The following RXRB variants were observed in gnomAD, a reference collection of about 807,000 sequenced individuals.
RXRB encodes the protein retinoid X receptor beta, also known as retinoic acid receptor RXR-beta.
Under a neutral mutation model 52.5 loss-of-function variants are expected in RXRB, and 18 were observed. That is an observed-to-expected ratio of 0.34 (90% CI 0.24 to 0.51). RXRB has a LOEUF of 0.51. RXRB is among the 20% of genes least tolerant of loss of function. The probability of loss-of-function intolerance (pLI) is 0.97; values close to 1 mark genes in which losing one functional copy is unlikely to be tolerated. For synonymous variants in RXRB, 233 were observed against 267.1 expected (o/e 0.87, Z 1.25); for missense variants, 455 against 698.2 (o/e 0.65, Z 3.92).
chr6:33,195,483 G>T lies in RXRB; in HGVS notation c.1257-29C>A. On this transcript the variant is annotated intron_variant, in intron 7 of 9. Transcript: ENST00000374680. The surrounding 1 kb of genome is among the most constrained non-coding windows in gnomAD (Gnocchi z 8.6). Reference sequence around the variant, plus strand: ...GAGAGGGACCTGCAGGTCACTCAAAGGTCACAGCTCAGCCAGCCTTGGACA... The same window carrying T: ...GAGAGGGACCTGCAGGTCACTCAAATGTCACAGCTCAGCCAGCCTTGGACA... The T allele has an allele frequency of 6.2e-7, 1 of 1,612,178 alleles. No individual in the cohort carries two copies. Among genetic ancestry groups the T allele is most frequent in the Non-Finnish European group, 8.5e-7 (1 of 1,179,214 alleles).
rs17847931 is a variant in RXRB, at chr6:33,199,368, A to G, written c.284T>C (p.Val95Ala). ...SSSPNPLPQGVPPPSPPGPPL... is the reference protein window; with the variant it reads ...SSSPNPLPQGAPPPSPPGPPL... The stretch of plus-strand genomic sequence containing the variant: ...TGGCCCAGGAGGAGAAGGGGGAGGG[A>G]CTCCCTGGGGAAGGGGATTTGGGGA... The change falls in exon 2 of 10, where the codon GTC (valine) becomes GCC (alanine). Residue 95 changes from valine (V) to alanine (A), a missense_variant. This residue lies in a region of RXRB where 225 missense variants were observed against 258.6 expected (regional missense o/e 0.87). Transcript: ENST00000374680. The G allele has an allele frequency of 2.4e-3, 2,993 of 1,225,594 alleles. 55 individuals carry two copies. The South Asian group carries it at 0.037, about 15-fold the overall frequency. The allele number at this position is 1,225,594 out of a possible 1,614,324, so 75.9% of individuals were successfully genotyped here. A position where few individuals can be genotyped will look rare whatever the true frequency, so the allele number is the denominator to read the frequency against.
rs764012992 is a variant in RXRB, at chr6:33,199,428, GTAT to G, written c.236-15_236-13del. 3.2e-6 allele frequency: 4 copies of G among 1,256,040 alleles called. No individual in the cohort carries two copies. Among genetic ancestry groups the G allele is most frequent in the Admixed American group, 3.9e-5 (1 of 25,374 alleles). The allele number at this position is 1,256,040 out of a possible 1,614,324, so 77.8% of individuals were successfully genotyped here. On this transcript the variant is annotated splice_polypyrimidine_tract_variant and intron_variant, in intron 1 of 9. Transcript: ENST00000374680. ...TGGGCTTCGGGAGTCTGAGGGAGGG[GTAT>G]GTACAGGCACACAGACACACAAGAG...
rs1480056203 is a variant in RXRB, at chr6:33,194,209, A to G, written c.*473T>C. ...CCCTCCCTCTTCCAGAGAGGCCCCC[A>G]TCTGCCAGGTTTGAGAGGAGGAAGG... On this transcript the variant is annotated 3_prime_UTR_variant, in exon 10 of 10. Coordinates refer to ENST00000374680, the MANE Select transcript of RXRB (RefSeq NM_021976.5). The surrounding 1 kb of genome is among the most constrained non-coding windows in gnomAD (Gnocchi z 4.1). 1.9e-5 allele frequency: 3 copies of G among 154,408 alleles called. No homozygotes were observed. Among genetic ancestry groups the G allele is most frequent in the Non-Finnish European group, 2.9e-5 (2 of 69,670 alleles). 9.6% of individuals were successfully genotyped at this position (154,408 alleles called of 1,614,324 possible). A position where few individuals can be genotyped will look rare whatever the true frequency, so the allele number is the denominator to read the frequency against.
Position 33,197,440 on chromosome 6 carries a change from G to A in RXRB, c.820+322C>T, listed in dbSNP as rs1384097063. Among the ~76,000 whole-genome samples the A allele has an allele frequency of 6.6e-6, 1 of 152,220 alleles. No individual in the cohort carries two copies. The highest frequency in any genetic ancestry group is 2.4e-5 in the African/African-American group (1 of 41,464). The stretch of plus-strand genomic sequence containing the variant: ...CACAGATAACAGGAGACAGAGACCA[G>A]AGAAGGTCCATGGAATCAGAGGAGG... On this transcript the variant is annotated intron_variant, in intron 4 of 9. Transcript: ENST00000374680. This position sits in a 1 kb window ranked among gnomAD's most constrained non-coding sequence, Gnocchi z 4.4.
rs1051205698 is a variant in RXRB, at chr6:33,197,278, T to C, written c.820+484A>G. Among the ~76,000 whole-genome samples, 3 of 152,230 alleles carry C rather than the reference T, an allele frequency of 2.0e-5. No homozygotes were observed. The highest frequency in any genetic ancestry group is 4.4e-5 in the Non-Finnish European group (3 of 68,036). ...TGGGTGTTTTGACCAAGATATGCTC[T>C]AAAGTGTCTCTCAGAATCCTAGGAA... On this transcript the variant is annotated intron_variant, in intron 4 of 9. Transcript: ENST00000374680. This position sits in a 1 kb window ranked among gnomAD's most constrained non-coding sequence, Gnocchi z 4.4.
In RXRB at chr6:33,198,402, T is replaced by TG; in HGVS notation, c.545dup (p.Val183SerfsTer41). 1 of 1,612,286 alleles carries TG rather than the reference T, an allele frequency of 6.2e-7. No homozygotes were observed. The highest frequency in any genetic ancestry group is 8.5e-7 in the Non-Finnish European group (1 of 1,179,562). On this transcript the variant is annotated frameshift_variant, in exon 3 of 10. Coordinates refer to ENST00000374680, the MANE Select transcript of RXRB (RefSeq NM_021976.5). LOFTEE classifies it high-confidence loss of function. ...AGTGCAGGCCCCGGACCCCTAAGAC[T>TG]GGTGGCTTCACATCTTCAGGGGGGC... is the stretch of plus-strand genomic sequence containing the variant.
intron 3 of RXRB, 125 bp downstream of exon 3, chr6:33,198,183 C>T: frequency 7.2e-7 from 1 of 1,385,206 alleles, no homozygotes; most frequent in Non-Finnish European, 1.0e-6. Context: ...GCTTCAGCTT[C>T]TTTACTCCCA....
chr6:33,199,422 G>A lies in RXRB; in HGVS notation c.236-6C>T. 5 of 1,253,406 alleles carry A rather than the reference G, an allele frequency of 4.0e-6. No homozygotes were observed. Among genetic ancestry groups the A allele is most frequent in the Non-Finnish European group, 5.0e-6 (5 of 990,836 alleles). The allele number at this position is 1,253,406 out of a possible 1,614,324, so 77.6% of individuals were successfully genotyped here. On this transcript the variant is annotated splice_region_variant and splice_polypyrimidine_tract_variant and intron_variant, in intron 1 of 9. Coordinates refer to ENST00000374680, the MANE Select transcript of RXRB (RefSeq NM_021976.5). ...GCTGTCTGGGCTTCGGGAGTCTGAG[G>A]GAGGGGTATGTACAGGCACACAGAC...
At chr6:33,198,284 C>T in intron 3 of RXRB, 24 bp downstream of exon 3, 1 of 1,612,928 alleles carries the variant, frequency 6.2e-7, no homozygotes, top group South Asian at 1.1e-5. Context: ...CTCTCCCTCT[C>T]TGTTCATCCT....
chr6:33,194,811 T>C lies in RXRB; in HGVS notation c.1473A>G (p.Leu491=), dbSNP rs753267407. The C allele has an allele frequency of 7.4e-6, 12 of 1,612,820 alleles. No homozygotes were observed. The African/African-American group carries it at 1.3e-4, about 18-fold the overall frequency. Residue 491 remains leucine (L), a synonymous_variant, in exon 10 of 10, where the codon CTA becomes CTG. Transcript: ENST00000374680. This position sits in a 1 kb window ranked among gnomAD's most constrained non-coding sequence, Gnocchi z 4.1. The part of the protein sequence containing the change: ...EQQGRFAKLL[L]RLPALRSIGL... ...CAATGGACCGGAGGGCAGGAAGACGTAGCAGCAGCTTGGCAAACCTGGGGT... is the reference window on the plus strand; with the variant it reads ...CAATGGACCGGAGGGCAGGAAGACGCAGCAGCAGCTTGGCAAACCTGGGGT...
In RXRB at chr6:33,193,593, A is replaced by G. The variant is rs1198133988; in HGVS notation, c.*1089T>C. ...TCCTCATACAGTCACCTCAGTCCAGAAAACAGCGATTTTAATTTGAAAGCG... is the reference window on the plus strand; with the variant it reads ...TCCTCATACAGTCACCTCAGTCCAGGAAACAGCGATTTTAATTTGAAAGCG... On this transcript the variant is annotated 3_prime_UTR_variant, in exon 10 of 10. Transcript: ENST00000374680. 2 of 151,934 alleles carry G rather than the reference A, an allele frequency of 1.3e-5. No individual in the cohort carries two copies. Among genetic ancestry groups the G allele is most frequent in the African/African-American group, 4.8e-5 (2 of 41,370 alleles). The allele number at this position is 151,934 out of a possible 1,614,324, so 9.4% of individuals were successfully genotyped here.
In RXRB at chr6:33,197,319, T is replaced by TAAGATGGAGAC. The variant is rs1296258258; in HGVS notation, c.820+432_820+442dup. Among the ~76,000 whole-genome samples the TAAGATGGAGAC allele has an allele frequency of 6.6e-6, 1 of 152,128 alleles. No homozygotes were observed. Among genetic ancestry groups the TAAGATGGAGAC allele is most frequent in the African/African-American group, 2.4e-5 (1 of 41,424 alleles). ...ATCCTAGGAATCTGACTTAAGAAGA[T>TAAGATGGAGAC]AAGATGGAGACACAGAAGAAGGAAG... On this transcript the variant is annotated intron_variant, in intron 4 of 9. Transcript: ENST00000374680. This position sits in a 1 kb window ranked among gnomAD's most constrained non-coding sequence, Gnocchi z 4.4.
intron 1 of RXRB, chr6:33,199,913 G>T: frequency 1.4e-6 from 1 of 692,976 alleles, no homozygotes; most frequent in Non-Finnish European, 2.7e-6. Context: ...AGCGTGCAAG[G>T]GAAAGAGACA....
Position 33,196,792 on chromosome 6 carries a change from A to G in RXRB, c.821-186T>C. ...AGGAAGGGTTATAAAAGGGCAGGTA[A>G]GTCAGTCGGGAAGGGTGAGGTAGGT... is the stretch of plus-strand genomic sequence containing the variant. On this transcript the variant is annotated intron_variant, in intron 4 of 9. Coordinates refer to ENST00000374680, the MANE Select transcript of RXRB (RefSeq NM_021976.5). The surrounding 1 kb of genome is among the most constrained non-coding windows in gnomAD (Gnocchi z 4.0). Among the ~76,000 whole-genome samples the G allele has an allele frequency of 6.6e-6, 1 of 152,180 alleles. No homozygotes were observed. The highest frequency in any genetic ancestry group is 1.9e-4 in the East Asian group (1 of 5,196).
Position 33,196,036 on chromosome 6 carries a change from G to C in RXRB, c.994C>G (p.Pro332Ala). The change falls in exon 6 of 10, where the codon CCA becomes GCA. Residue 332 changes from proline (P) to alanine (A), a missense_variant and splice_region_variant. Transcript: ENST00000374680. The surrounding 1 kb of genome is among the most constrained non-coding windows in gnomAD (Gnocchi z 4.0). ...PGGTGGSGSS[P>A]NDPVTNICQA... ...CAGATGTTAGTCACAGGGTCATTTG[G>C]CTGCAGGGGACGGGGGTAAGAGTTA... 4 of 1,613,044 alleles carry C rather than the reference G, an allele frequency of 2.5e-6. No homozygotes were observed. Among genetic ancestry groups the C allele is most frequent in the Non-Finnish European group, 3.4e-6 (4 of 1,180,020 alleles).
intron 3 of RXRB, 44 bp downstream of exon 3, chr6:33,198,264 A>G (rs944781808): frequency 5.0e-6 from 8 of 1,612,276 alleles, no homozygotes; most frequent in Non-Finnish European, 6.8e-6. Context: ...GTGATGATAC[A>G]TGGCCCAGAC....
intron 1 of RXRB, 124 bp from the exon 2 acceptor site, chr6:33,199,540 A>C: frequency 1.4e-6 from 1 of 734,982 alleles, no homozygotes; most frequent in Non-Finnish European, 2.0e-6. Context: ...TGCCGGACCC[A>C]GCCCACTCCA....
rs1168926459 is a variant in RXRB, at chr6:33,196,565, C to T, written c.862G>A (p.Asp288Asn). 1.2e-6 allele frequency: 2 copies of T among 1,609,518 alleles called. No individual in the cohort carries two copies. Among genetic ancestry groups the T allele is most frequent in the Non-Finnish European group, 1.7e-6 (2 of 1,177,030 alleles). The part of the protein sequence containing the change: ...ERQRGKDKDG[D>N]GEGAGGAPEE... ...GGGGCTCCCCCAGCCCCCTCCCCAT[C>T]CCCATCCTTGTCCTTTCCCCGCTGA... is the stretch of plus-strand genomic sequence containing the variant. Residue 288 changes from aspartate (D) to asparagine (N), a missense_variant, in exon 5 of 10, where the codon GAT becomes AAT. Coordinates refer to ENST00000374680, the MANE Select transcript of RXRB (RefSeq NM_021976.5). This position sits in a 1 kb window ranked among gnomAD's most constrained non-coding sequence, Gnocchi z 4.0.
At chr6:33,198,657 T>C in intron 2 of RXRB, 193 bp from the exon 3 acceptor site, 1 of 706,634 alleles carries the variant, frequency 1.4e-6, no homozygotes, top group East Asian at 2.7e-5. Context: ...AGGCCCCCCC[T>C]GAAATTGTGC....
Sources: gnomAD v4.1 joint callset for allele counts (sites outside exome capture counted in the v4.1 genomes callset) on GRCh38, gnomAD v4.1.1 for gene constraint, gnomAD v4.1.1 regional missense constraint, Gnocchi (gnomAD v3.1) non-coding constraint, MANE v1.5 for transcripts, NCBI Gene and HGNC (gene_info 2026-07-23, HGNC 2026-07-21) for gene names.